ANXA6: variants seen among roughly 807,000 people sequenced by gnomAD.
ANXA6 encodes 67 kDa calelectrin.
ANXA6 carries 71 observed loss-of-function variants against 95.4 expected under a neutral mutation model. The observed-to-expected ratio is 0.74, with a 90% CI of 0.61 to 0.91. The LOEUF (loss-of-function observed/expected upper bound fraction) is 0.91, where lower values mean the gene tolerates loss of function less well. Among genes scored for constraint, ANXA6 ranks in the 40% least tolerant of loss-of-function variants. The pLI is 0.00. For missense variants in ANXA6, 830 were observed against 876.4 expected, an observed-to-expected ratio of 0.95 and a Z score of 0.67; for synonymous variants, 289 against 315.9, an observed-to-expected ratio of 0.91 and a Z score of 0.90.
intron 2 of ANXA6, among the ~76,000 whole-genome samples, chr5:151,142,673 C>G (rs1401654303): frequency 6.6e-6 from 1 of 152,214 alleles, no homozygotes; most frequent in Non-Finnish European, 1.5e-5. Context: ...GCTTGGCATA[C>G]AGGCTGGAAG....
At chr5:151,110,587 C>G in intron 21 of ANXA6, 40 bp downstream of exon 21, 1 of 1,610,492 alleles carries the variant, frequency 6.2e-7, no homozygotes, top group South Asian at 1.1e-5. Flanking sequence ...GGACTTTACT[C>G]AGAGGCCGTT....
intron 19 of ANXA6, 38 bp downstream of exon 19, chr5:151,117,720 G>A (rs372671091): frequency 5.7e-6 from 9 of 1,575,894 alleles, no homozygotes; most frequent in East Asian, 2.2e-5. Context: ...CAGGCCTCCC[G>A]ATGGGCAAGC....
Position 151,137,234 on chromosome 5 carries a change from C to T in ANXA6, c.406G>A (p.Asp136Asn), listed in dbSNP as rs768179086. 1.2e-6 allele frequency: 2 copies of T among 1,613,534 alleles called. No individual in the cohort carries two copies. Among genetic ancestry groups the T allele is most frequent in the Non-Finnish European group, 1.7e-6 (2 of 1,179,640 alleles). The change falls in exon 6 of 26, where the codon GAT becomes AAT. Residue 136 changes from aspartate (D) to asparagine (N), a missense_variant. By Grantham distance (23) the Asp-to-Asn change is conservative. Transcript: ENST00000354546. ...QMHQLVAAYK[D>N]AYERDLEADI... ...CGGCCCCTCCTGCCCATCTCACCAT[C>T]TTTGTATGCTGCCACCAGCTGGTGC... is the stretch of plus-strand genomic sequence containing the variant.
intron 1 of ANXA6, 118 bp downstream of exon 1, chr5:151,157,562 C>T (rs550259227): frequency 1.3e-5 from 2 of 152,924 alleles, no homozygotes; most frequent in African/African-American, 4.8e-5. Context: ...CCCTCCCGTC[C>T]CTGCTCCTGG....
chr5:151,157,472 C>T (rs904847147), intron 1 of ANXA6, among the ~76,000 whole-genome samples: 1 of 152,204 alleles, frequency 6.6e-6, no homozygotes, highest in Non-Finnish European at 1.5e-5. Flanking sequence ...CCTCCGCCCG[C>T]GCCTCTCCGC....
intron 20 of ANXA6, 82 bp from the exon 21 acceptor site, chr5:151,110,726 G>A: frequency 1.3e-6 from 2 of 1,505,878 alleles, no homozygotes; most frequent in Middle Eastern, 1.7e-4. Context: ...CTGGGGCCCT[G>A]GGGTGCAGGG....
intron 17 of ANXA6, among the ~76,000 whole-genome samples, chr5:151,121,641 T>A (rs79345604): frequency 6.6e-6 from 1 of 151,952 alleles, no homozygotes; most frequent in East Asian, 1.9e-4. Flanking sequence ...TGTGAGTGAG[T>A]GGCAGGTCTA....
chr5:151,114,925 G>A (rs1007367575), intron 20 of ANXA6, among the ~76,000 whole-genome samples: 28 of 152,272 alleles, frequency 1.8e-4, no homozygotes, highest in South Asian at 2.1e-4. Context: ...ACTCATGTGC[G>A]TTATCTAAGG....
intron 21 of ANXA6, among the ~76,000 whole-genome samples, 190 bp downstream of exon 21, chr5:151,110,437 C>T (rs1211760852): frequency 1.3e-5 from 2 of 152,112 alleles, no homozygotes; most frequent in African/African-American, 4.8e-5. Context: ...CAAATCGTGC[C>T]AGAGATGATT....
chr5:151,104,213 G>A (rs1046295794), intron 24 of ANXA6, among the ~76,000 whole-genome samples: 8 of 152,116 alleles, frequency 5.3e-5, no homozygotes, highest in South Asian at 2.1e-4. Context: ...CAACCCAGGC[G>A]ACACCTTGAT....
chr5:151,154,285 G>A (rs1204444287), intron 1 of ANXA6, among the ~76,000 whole-genome samples: 1 of 136,520 alleles, frequency 7.3e-6, no homozygotes, highest in African/African-American at 2.8e-5. Flanking sequence ...ATGTCATATG[G>A]CAGTTTGCAG....
intron 17 of ANXA6, among the ~76,000 whole-genome samples, chr5:151,120,904 T>C (rs879327553): frequency 6.6e-6 from 1 of 152,226 alleles, no homozygotes; most frequent in Non-Finnish European, 1.5e-5. Context: ...AGACTGGGTC[T>C]AGCCCTCGTC....
intron 2 of ANXA6, among the ~76,000 whole-genome samples, chr5:151,142,339 A>T (rs1174959456): frequency 1.3e-5 from 2 of 152,198 alleles, no homozygotes; most frequent in Non-Finnish European, 2.9e-5. Context: ...TTAGCCAGGC[A>T]TGGTGGCAGG....
intron 4 of ANXA6, chr5:151,138,993 G>T (rs770588691): frequency 5.0e-6 from 3 of 604,632 alleles, no homozygotes; most frequent in South Asian, 2.0e-5. Context: ...ATGTCATGCT[G>T]CTAGCAAACG....
intron 23 of ANXA6, among the ~76,000 whole-genome samples, chr5:151,105,644 T>C (rs1764676775): frequency 6.6e-6 from 1 of 152,182 alleles, no homozygotes; most frequent in African/African-American, 2.4e-5. Context: ...CCAAAAAGCT[T>C]GTTTAAAACT....
chr5:151,128,336 T>A (rs951563702), intron 12 of ANXA6, 97 bp from the exon 13 acceptor site: 1 of 1,033,046 alleles, frequency 9.7e-7, no homozygotes, highest in Admixed American at 2.0e-5. Context: ...AGGGGAAGGC[T>A]GAATGAACAC....
chr5:151,122,176 C>A lies in ANXA6; in HGVS notation c.1318G>T (p.Asp440Tyr). ...LGLMMPPAHY[D>Y]AKQLKKAMEG... is the part of the protein sequence containing the mutation. ...ATGGCCTTCTTCAACTGCTTGGCAT[C>A]GTAATGGGCCGGTGGCATCATGAGC... is the stretch of plus-strand genomic sequence containing the variant. The change falls in exon 17 of 26, where the codon GAT (aspartate) becomes TAT (tyrosine). Residue 440 changes from aspartate to tyrosine, a missense_variant. Coordinates refer to ENST00000354546, the MANE Select transcript of ANXA6 (RefSeq NM_001155.5). 2.5e-6 allele frequency: 4 copies of A among 1,597,646 alleles called. No individual in the cohort carries two copies. Among genetic ancestry groups the A allele is most frequent in the Non-Finnish European group, 3.4e-6 (4 of 1,174,522 alleles).
rs61407672 is a variant in ANXA6, at chr5:151,114,613, T to TAAAAAAA, written c.1572+2507_1572+2513dup. Among the ~76,000 whole-genome samples, 83 of 70,314 alleles carry TAAAAAAA rather than the reference T, an allele frequency of 1.2e-3. 7 individuals are homozygous for TAAAAAAA. Among genetic ancestry groups the TAAAAAAA allele is most frequent in the South Asian group, 3.5e-3 (5 of 1,422 alleles). The allele number at this position is 70,314 out of a possible 152,430, so 46.1% of individuals were successfully genotyped here. ...TGGGCAACAGAGCGAGACTCCGTCT[T>TAAAAAAA]AAAAAAAAAAAAAAAAAAAAAAAAA... On this transcript the variant is annotated intron_variant, in intron 20 of 25. Coordinates refer to ENST00000354546, the MANE Select transcript of ANXA6 (RefSeq NM_001155.5).
At chr5:151,130,172 G>C (rs17801543) in intron 11 of ANXA6, among the ~76,000 whole-genome samples, 6,484 of 151,966 alleles carry the variant, frequency 0.043, 340 homozygotes, top group South Asian at 0.19. Flanking sequence ...ATTCCTGATG[G>C]TCACTGGGTT....
Sources: allele counts gnomAD v4.1 joint callset (sites outside exome capture counted in the v4.1 genomes callset), GRCh38; gene constraint gnomAD v4.1.1; transcripts MANE v1.5; gene names NCBI Gene and HGNC (gene_info 2026-07-23, HGNC 2026-07-21).